YIPF2: variants seen among roughly 807,000 people sequenced by gnomAD.
YIPF2 encodes protein YIPF2.
In YIPF2, 30 loss-of-function variants were observed where a neutral mutation model predicts 38.8. The observed-to-expected ratio is 0.77, with a 90% CI of 0.58 to 1.05. The LOEUF is 1.05. Among genes scored for constraint, YIPF2 ranks in the 50% least tolerant of loss-of-function variants. The pLI, the probability that YIPF2 is intolerant of heterozygous loss-of-function variation, is 0.00. For synonymous variants in YIPF2, 194 were observed against 183.8 expected, an observed-to-expected ratio of 1.06 and a Z score of -0.45; for missense variants, 401 against 409.7, an observed-to-expected ratio of 0.98 and a Z score of 0.18.
Position 10,923,616 on chromosome 19 carries a change from A to G in YIPF2, c.713T>C (p.Leu238Pro). The stretch of plus-strand genomic sequence containing the variant: ...GGTGAATACCAGCCCGGCGGCTGAC[A>G]GGCCCAGGGCCAGCGCCCCAAAGAG... ...QWLFGALALG[L>P]SAAGLVFTLW... The change falls in exon 8 of 10, where the codon CTG becomes CCG. Residue 238 changes from leucine to proline, a missense_variant. Physicochemically the swap from Leu to Pro is moderately conservative, Grantham distance 98. Transcript: ENST00000586748. 6.2e-7 allele frequency: 1 copy of G among 1,613,062 alleles called. No individual in the cohort carries two copies.
chr19:10,924,688 C>T (rs946996968), intron 5 of YIPF2, among the ~76,000 whole-genome samples: 2 of 152,138 alleles, frequency 1.3e-5, no homozygotes, highest in Non-Finnish European at 2.9e-5. Context: ...CCCGTGGATA[C>T]GTGGCAACTC....
At chr19:10,926,750 C>T (rs2083431804) in intron 4 of YIPF2, among the ~76,000 whole-genome samples, 1 of 152,122 alleles carries the variant, frequency 6.6e-6, no homozygotes, top group African/African-American at 2.4e-5. Context: ...TGGTCTCCAA[C>T]TCCTGACCTC....
chr19:10,927,596 C>A, intron 4 of YIPF2, 34 bp downstream of exon 4: 2 of 1,609,876 alleles, frequency 1.2e-6, no homozygotes, highest in South Asian at 1.1e-5. Context: ...GAGCATAACT[C>A]TGAGCCCCAT....
intron 9 of YIPF2, 42 bp from the exon 10 acceptor site, chr19:10,923,216 G>A (rs534231570): frequency 1.3e-5 from 18 of 1,436,670 alleles, no homozygotes; most frequent in African/African-American, 2.9e-5. Flanking sequence ...AGAACCTCTC[G>A]CCTTGACTGG....
At position 10,924,211 on chromosome 19, in the gene YIPF2, G is replaced by T. The variant is rs1410866844; in HGVS notation, c.368-19C>A. 1.2e-6 allele frequency: 2 copies of T among 1,602,960 alleles called. No individual in the cohort carries two copies. The highest frequency in any genetic ancestry group is 1.7e-6 in the Non-Finnish European group (2 of 1,175,838). On this transcript the variant is annotated intron_variant, in intron 5 of 9. Transcript: ENST00000586748. ...AAGGGGCCTGGGGGTAGGGGGCACA[G>T]TCAGGGTCCCGGGCCCTGCACTCCC...
chr19:10,922,891 C>T lies in YIPF2; in HGVS notation c.*303G>A. 1 of 178,240 alleles carries T rather than the reference C, an allele frequency of 5.6e-6. No homozygotes were observed. The highest frequency in any genetic ancestry group is 1.2e-5 in the Non-Finnish European group (1 of 86,420). The allele number at this position is 178,240 out of a possible 1,614,324, so 11.0% of individuals were successfully genotyped here. On this transcript the variant is annotated 3_prime_UTR_variant, in exon 10 of 10. Transcript: ENST00000586748. ...AGGAGCGGGCGCTGTCCAGGCTGGG[C>T]CGCCCCCTTGGCTCTCCCTCCTGTT...
At chr19:10,924,041 G>T in intron 6 of YIPF2, 35 bp downstream of exon 6, 3 of 1,612,952 alleles carry the variant, frequency 1.9e-6, no homozygotes, top group Non-Finnish European at 1.7e-6. Flanking sequence ...GTACCCCAGG[G>T]CCCTGCCAGG....
intron 2 of YIPF2, 99 bp downstream of exon 2, chr19:10,928,281 C>T (rs1385081457): frequency 6.1e-6 from 8 of 1,302,070 alleles, no homozygotes; most frequent in African/African-American, 1.5e-5. Flanking sequence ...GGTTCACAGC[C>T]GCCTAGGCTT....
rs947667908 is a variant in YIPF2, at chr19:10,927,842, T to C, written c.149A>G (p.Tyr50Cys). The C allele has an allele frequency of 9.3e-6, 15 of 1,610,606 alleles. No homozygotes were observed. Among genetic ancestry groups the C allele is most frequent in the Middle Eastern group, 1.7e-4 (1 of 6,050 alleles). ...CTCCTCCACCTCATCCTCGGCTCCA[T>C]AGCTGCCACCTGAGCCCACGGCCAC... The part of the protein sequence containing the change: ...VAVAVGSGGS[Y>C]GAEDEVEEES... The change falls in exon 3 of 10, where the codon TAT (tyrosine) becomes TGT (cysteine). Residue 50 changes from tyrosine to cysteine, a missense_variant. Physicochemically the swap from Tyr to Cys is radical, Grantham distance 194 (BLOSUM62 -2). Transcript: ENST00000586748.
chr19:10,923,820 AGG>A lies in YIPF2; in HGVS notation c.651+11_651+12del, dbSNP rs1183017947. ...ACACAGCCACCACCCACTCCGCGCC[AGG>A]CCACACTCACCACCATGGGGATGAA... On this transcript the variant is annotated intron_variant, in intron 7 of 9. Coordinates refer to ENST00000586748, the MANE Select transcript of YIPF2 (RefSeq NM_001321439.2). 6.2e-7 allele frequency: 1 copy of A among 1,610,886 alleles called. No homozygotes were observed. The highest frequency in any genetic ancestry group is 8.5e-7 in the Non-Finnish European group (1 of 1,178,462).
At chr19:10,925,994 T>C (rs2083419161) in intron 4 of YIPF2, among the ~76,000 whole-genome samples, 1 of 143,744 alleles carries the variant, frequency 7.0e-6, no homozygotes, top group South Asian at 2.3e-4. Flanking sequence ...CACTGCAACC[T>C]CTGCCTCCCG....
intron 5 of YIPF2, 29 bp downstream of exon 5, chr19:10,925,657 C>A: frequency 6.2e-7 from 1 of 1,613,410 alleles, no homozygotes; most frequent in South Asian, 1.1e-5. Flanking sequence ...AGTGATCCAT[C>A]AAGGAACCAA....
Position 10,928,415 on chromosome 19 carries a change from G to T in YIPF2, c.-5C>A. On this transcript the variant is annotated 5_prime_UTR_variant, in exon 2 of 10. Transcript: ENST00000586748. ...CAGCTCGTCGGCCGATGCCATGGTCGTTCAGGGGCGTCTCCGCATCCCTCG... is the reference window on the plus strand; with the variant it reads ...CAGCTCGTCGGCCGATGCCATGGTCTTTCAGGGGCGTCTCCGCATCCCTCG... 2 of 1,336,290 alleles carry T rather than the reference G, an allele frequency of 1.5e-6. No homozygotes were observed. Among genetic ancestry groups the T allele is most frequent in the Non-Finnish European group, 1.9e-6 (2 of 1,039,332 alleles). The allele number at this position is 1,336,290 out of a possible 1,614,324, so 82.8% of individuals were successfully genotyped here.
Position 10,927,599 on chromosome 19 carries a change from A to C in YIPF2, c.279+31T>G, listed in dbSNP as rs2083446581. Reference sequence around the variant, plus strand: ...TGGCTGAACCCTGAGCATAACTCTGAGCCCCATCCCACCTGCCTCCCCAGC... The same window carrying C: ...TGGCTGAACCCTGAGCATAACTCTGCGCCCCATCCCACCTGCCTCCCCAGC... On this transcript the variant is annotated intron_variant, in intron 4 of 9. Transcript: ENST00000586748. 3.1e-6 allele frequency: 5 copies of C among 1,610,430 alleles called. No individual in the cohort carries two copies. In the East Asian group the frequency reaches 1.1e-4, roughly 36 times the overall value.
At position 10,923,356 on chromosome 19, in the gene YIPF2, T is replaced by C. The variant is rs374399266; in HGVS notation, c.886A>G (p.Ile296Val). ...PPENVAPPPQITSLPSNIALS... is the reference protein window; with the variant it reads ...PPENVAPPPQVTSLPSNIALS... ...GCGATGTTTGAGGGCAGAGATGTGA[T>C]TTGGGGTGGAGGAGCCACGTTCTCC... Residue 296 changes from isoleucine (I) to valine (V), a missense_variant, in exon 9 of 10, where the codon ATC (isoleucine) becomes GTC (valine). Physicochemically the swap from Ile to Val is conservative, Grantham distance 29. Coordinates refer to ENST00000586748, the MANE Select transcript of YIPF2 (RefSeq NM_001321439.2). The C allele has an allele frequency of 1.2e-4, 196 of 1,613,228 alleles. No homozygotes were observed. Among genetic ancestry groups the C allele is most frequent in the Non-Finnish European group, 1.5e-4 (173 of 1,179,676 alleles).
Position 10,923,281 on chromosome 19 carries a change from C to T in YIPF2, c.*10G>A. On this transcript the variant is annotated 3_prime_UTR_variant, in exon 9 of 10. Transcript: ENST00000586748. ...TGGGAATAGTCCTTACCTGTGGGAC[C>T]CGGGCCTTCCTAGGAGGGGGCCAGG... is the stretch of plus-strand genomic sequence containing the variant. The T allele has an allele frequency of 5.6e-6, 9 of 1,604,620 alleles. No homozygotes were observed. Among genetic ancestry groups the T allele is most frequent in the Non-Finnish European group, 6.8e-6 (8 of 1,176,722 alleles).
Position 10,923,961 on chromosome 19 carries a change from G to A in YIPF2, c.523C>T (p.Leu175=), listed in dbSNP as rs1233598645. The A allele has an allele frequency of 1.2e-6, 2 of 1,613,478 alleles. No individual in the cohort carries two copies. Among genetic ancestry groups the A allele is most frequent in the Admixed American group, 1.7e-5 (1 of 59,970 alleles). The part of the protein sequence containing the change: ...AGISIYCYAW[L]VPLALWGFLR... ...AAGCCCCACAGGGCCAGGGGCACCA[G>A]CCACGCATAGCAGTAGATGCTGATG... Residue 175 remains leucine, a synonymous_variant, in exon 7 of 10, where the codon CTG becomes TTG. Transcript: ENST00000586748.
rs1470991144 is a variant in YIPF2 at position 10,922,299 on chromosome 19, CAG to C, written c.*893_*894del. ...AGCCAGCAGCCCCTCTCCCTAGACT[CAG>C]AGGCGCCGCGGGGAGGGGTGGCCCC... On this transcript the variant is annotated 3_prime_UTR_variant, in exon 10 of 10. Transcript: ENST00000586748. The C allele has an allele frequency of 6.5e-6, 1 of 152,744 alleles. No homozygotes were observed. Among genetic ancestry groups the C allele is most frequent in the Non-Finnish European group, 1.5e-5 (1 of 68,112 alleles). 9.5% of individuals were successfully genotyped at this position (152,744 alleles called of 1,614,324 possible).
Position 10,923,332 on chromosome 19 carries a change from C to T in YIPF2, c.910G>A (p.Ala304Thr), listed in dbSNP as rs142260441. The change falls in exon 9 of 10, where the codon GCG becomes ACG. Residue 304 changes from alanine (A) to threonine (T), a missense_variant. Ala to Thr is a moderately conservative substitution (Grantham distance 58). Coordinates refer to ENST00000586748, the MANE Select transcript of YIPF2 (RefSeq NM_001321439.2). Reference protein sequence around the residue: ...PQITSLPSNIALSPTLPQSLA... With the variant: ...PQITSLPSNITLSPTLPQSLA... Reference sequence around the variant, plus strand: ...GACTGCGGCAAGGTAGGGGACAGCGCGATGTTTGAGGGCAGAGATGTGATT... The same window carrying T: ...GACTGCGGCAAGGTAGGGGACAGCGTGATGTTTGAGGGCAGAGATGTGATT... The T allele has an allele frequency of 9.6e-4, 1,550 of 1,613,022 alleles. 2 individuals are homozygous for T. The highest frequency in any genetic ancestry group is 1.2e-3 in the Non-Finnish European group (1,411 of 1,179,534).
Sources: gnomAD v4.1 joint callset for allele counts (sites outside exome capture counted in the v4.1 genomes callset) on GRCh38, gnomAD v4.1.1 for gene constraint, MANE v1.5 for transcripts, NCBI Gene and HGNC (gene_info 2026-07-23, HGNC 2026-07-21) for gene names.